ZNF416: variants seen among roughly 807,000 people sequenced by gnomAD.
ZNF416 encodes the protein zinc finger protein 416.
Under a neutral mutation model 10.9 loss-of-function variants are expected in ZNF416, and 5 were observed. The ratio of observed to expected loss-of-function variants is 0.46; its 90% CI spans 0.24 to 0.97. The LOEUF is 0.97. ZNF416 is among the 50% of genes least tolerant of loss of function. The pLI is 0.19. For synonymous variants in ZNF416, 267 were observed against 251.8 expected (o/e 1.06, Z -0.57); for missense variants, 675 against 715.0 (o/e 0.94, Z 0.64).
At chr19:57,577,122 G>C (rs984265737) in intron 2 of ZNF416, among the ~76,000 whole-genome samples, 1 of 152,142 alleles carries the variant, frequency 6.6e-6, no homozygotes, top group African/African-American at 2.4e-5. Context: ...CCCTAGGCAA[G>C]TAGTGGCCAC....
In ZNF416 at chr19:57,572,906, T is replaced by C. The variant is rs1469695120; in HGVS notation, c.998A>G (p.Lys333Arg). 2 of 1,613,952 alleles carry C rather than the reference T, an allele frequency of 1.2e-6. No homozygotes were observed. Among genetic ancestry groups the C allele is most frequent in the East Asian group, 2.2e-5 (1 of 44,874 alleles). The change falls in exon 4 of 4, where the codon AAA (lysine) becomes AGA (arginine). Residue 333 changes from lysine to arginine, a missense_variant. Transcript: ENST00000196489. The surrounding 1 kb of genome is among the most constrained non-coding windows in gnomAD (Gnocchi z 4.5). ...AAGGTTGGAACTTTGGCTAAAAGAT[T>C]TCCCACATTCACCACACTCGTAAGG... ...ERPYECGECGKSFSQSSNLIE... is the reference protein window; with the variant it reads ...ERPYECGECGRSFSQSSNLIE...
Position 57,571,991 on chromosome 19 carries a change from A to C in ZNF416, c.*128T>G. 1 of 1,247,156 alleles carries C rather than the reference A, an allele frequency of 8.0e-7. No individual in the cohort carries two copies. Among genetic ancestry groups the C allele is most frequent in the Non-Finnish European group, 1.1e-6 (1 of 894,434 alleles). The allele number at this position is 1,247,156 out of a possible 1,614,324, so 77.3% of individuals were successfully genotyped here. ...GGGAGTCTGACCCATCGGGAGGTCT[A>C]GAAGTATGAGGTTTAACTTTAGGCA... On this transcript the variant is annotated 3_prime_UTR_variant, in exon 4 of 4. Transcript: ENST00000196489.
In ZNF416 at chr19:57,573,211, A is replaced by G. The variant is rs1599907953; in HGVS notation, c.693T>C (p.Phe231=). 2.5e-6 allele frequency: 4 copies of G among 1,614,196 alleles called. No homozygotes were observed. The highest frequency in any genetic ancestry group is 1.7e-5 in the Admixed American group (1 of 60,026). ...RRESSHKHTF[F]HPRVCTGKRL... ...TTTTTCCAGTGCAGACTCTAGGGTG[A>G]AAAAAAGTGTGTTTGTGGCTGGACT... The change falls in exon 4 of 4, where the codon TTT becomes TTC. Residue 231 remains phenylalanine, a synonymous_variant. Transcript: ENST00000196489.
rs1318590722 is a variant in ZNF416, at chr19:57,573,629, C to G, written c.275G>C (p.Arg92Thr). Residue 92 changes from arginine to threonine, a missense_variant, in exon 4 of 4, where the codon AGG becomes ACG. Transcript: ENST00000196489. ...GGTGGATGGACTGGCCTCTGGAGTC[C>G]TGACCTGAGGTACTCCTTCTACAGA... The part of the protein sequence containing the change: ...SVSVEGVPQV[R>T]TPEASPSTQK... 6.2e-7 allele frequency: 1 copy of G among 1,614,198 alleles called. No individual in the cohort carries two copies. Among genetic ancestry groups the G allele is most frequent in the African/African-American group, 1.3e-5 (1 of 75,056 alleles).
chr19:57,576,032 C>T, intron 2 of ZNF416, 102 bp from the exon 3 acceptor site: 1 of 1,469,032 alleles, frequency 6.8e-7, no homozygotes, highest in Non-Finnish European at 9.2e-7. Flanking sequence ...CATACCTAAG[C>T]CCCACCTCAG....
rs975184198 is a variant in ZNF416 at position 57,571,861 on chromosome 19, C to T, written c.*258G>A. 29 of 440,436 alleles carry T rather than the reference C, an allele frequency of 6.6e-5. No homozygotes were observed. Among genetic ancestry groups the T allele is most frequent in the Non-Finnish European group, 1.2e-5 (3 of 246,520 alleles). 27.3% of individuals were successfully genotyped at this position (440,436 alleles called of 1,614,324 possible). ...TGGGAGAACACAGGTGTATCTGCCT[C>T]GCCTTAGTATGCAAGGGTGACTAAT... On this transcript the variant is annotated 3_prime_UTR_variant, in exon 4 of 4. Transcript: ENST00000196489.
In ZNF416 at chr19:57,578,661, G is replaced by C. The variant is rs200120414; in HGVS notation, c.33+11C>G. 483 of 1,552,240 alleles carry C rather than the reference G, an allele frequency of 3.1e-4. 7 individuals carry two copies. The East Asian group carries it at 8.2e-3, about 26-fold the overall frequency. On this transcript the variant is annotated intron_variant, in intron 1 of 3. Coordinates refer to ENST00000196489, the MANE Select transcript of ZNF416 (RefSeq NM_017879.3). ...AGAGGGCAGGTGAGGCCCGGGAGACGCAGCACTCACCGAAGTCGAATCCCT... is the reference window on the plus strand; with the variant it reads ...AGAGGGCAGGTGAGGCCCGGGAGACCCAGCACTCACCGAAGTCGAATCCCT...
At chr19:57,578,143 A>T (rs1978613421) in intron 1 of ZNF416, 45 bp from the exon 2 acceptor site, 2 of 1,606,704 alleles carry the variant, frequency 1.2e-6, no homozygotes, top group Non-Finnish European at 1.7e-6. Context: ...CTATGGTGGA[A>T]GCTCCATGGG....
chr19:57,571,979 A>G lies in ZNF416; in HGVS notation c.*140T>C, dbSNP rs11880344. The G allele has an allele frequency of 2.3e-5, 25 of 1,099,444 alleles. No homozygotes were observed. The African/African-American group carries it at 3.8e-4, about 17-fold the overall frequency. The allele number at this position is 1,099,444 out of a possible 1,614,324, so 68.1% of individuals were successfully genotyped here. A position where few individuals can be genotyped will look rare whatever the true frequency, so the allele number is the denominator to read the frequency against. On this transcript the variant is annotated 3_prime_UTR_variant, in exon 4 of 4. Coordinates refer to ENST00000196489, the MANE Select transcript of ZNF416 (RefSeq NM_017879.3). ...CCTGGAACTAATGGGAGTCTGACCC[A>G]TCGGGAGGTCTAGAAGTATGAGGTT...
At position 57,575,122 on chromosome 19, in the gene ZNF416, A is replaced by G. The variant is rs1436849909; in HGVS notation, c.202+682T>C. On this transcript the variant is annotated intron_variant, in intron 3 of 3. Coordinates refer to ENST00000196489, the MANE Select transcript of ZNF416 (RefSeq NM_017879.3). The surrounding 1 kb of genome is among the most constrained non-coding windows in gnomAD (Gnocchi z 4.4). Reference sequence around the variant, plus strand: ...GCATTAGCACCAAACTCTGGATGACACAGGGCAAATTCCTGGTAAGATTAG... The same window carrying G: ...GCATTAGCACCAAACTCTGGATGACGCAGGGCAAATTCCTGGTAAGATTAG... 1.3e-5 allele frequency among the ~76,000 whole-genome samples: 2 copies of G among 152,198 alleles called. No homozygotes were observed. Among genetic ancestry groups the G allele is most frequent in the Non-Finnish European group, 2.9e-5 (2 of 68,024 alleles).
Position 57,575,676 on chromosome 19 carries a change from C to T in ZNF416, c.202+128G>A. 1 of 1,296,320 alleles carries T rather than the reference C, an allele frequency of 7.7e-7. No homozygotes were observed. The allele number at this position is 1,296,320 out of a possible 1,614,324, so 80.3% of individuals were successfully genotyped here. A position where few individuals can be genotyped will look rare whatever the true frequency, so the allele number is the denominator to read the frequency against. ...GATTAAGGAGTGCAATGATTTCATT[C>T]CTTACACCACAGCACATACGCCAAG... On this transcript the variant is annotated intron_variant, in intron 3 of 3. Coordinates refer to ENST00000196489, the MANE Select transcript of ZNF416 (RefSeq NM_017879.3). The surrounding 1 kb of genome is among the most constrained non-coding windows in gnomAD (Gnocchi z 4.4).
chr19:57,575,997 C>T lies in ZNF416; in HGVS notation c.76-67G>A, dbSNP rs1048660858. The T allele has an allele frequency of 1.3e-6, 2 of 1,569,960 alleles. No homozygotes were observed. Among genetic ancestry groups the T allele is most frequent in the East Asian group, 2.3e-5 (1 of 44,346 alleles). On this transcript the variant is annotated intron_variant, in intron 2 of 3. Transcript: ENST00000196489. The surrounding 1 kb of genome is among the most constrained non-coding windows in gnomAD (Gnocchi z 4.4). ...CCTAGGACCCCAAGTTCATGCCCCC[C>T]ACACATCCTTTCCCTGCTTATCCCC...
At chr19:57,577,100 C>T (rs571473414) in intron 2 of ZNF416, among the ~76,000 whole-genome samples, 1 of 152,184 alleles carries the variant, frequency 6.6e-6, no homozygotes, top group Non-Finnish European at 1.5e-5. Context: ...CTAATTGTGT[C>T]CCAAGCTATA....
chr19:57,573,283 G>C lies in ZNF416; in HGVS notation c.621C>G (p.Ala207=). 1 of 1,614,208 alleles carries C rather than the reference G, an allele frequency of 6.2e-7. No individual in the cohort carries two copies. Among genetic ancestry groups the C allele is most frequent in the African/African-American group, 1.3e-5 (1 of 75,032 alleles). The change falls in exon 4 of 4, where the codon GCC becomes GCG. Residue 207 remains alanine (A), a synonymous_variant. Coordinates refer to ENST00000196489, the MANE Select transcript of ZNF416 (RefSeq NM_017879.3). ...KPNKISKCEE[A]FHVGISHYKW... is the part of the protein sequence containing the mutation. The stretch of plus-strand genomic sequence containing the variant: ...TGTAATGACTTATTCCAACATGAAA[G>C]GCCTCCTCACATTTGCTGATTTTGT...
At chr19:57,578,511 A>T (rs1421320481) in intron 1 of ZNF416, 161 bp downstream of exon 1, 1 of 780,144 alleles carries the variant, frequency 1.3e-6, no homozygotes, top group African/African-American at 1.8e-5. Context: ...CACCCTCCAC[A>T]GCCCACGACA....
rs1402419560 is a variant in ZNF416, at chr19:57,573,278, T to A, written c.626A>T (p.His209Leu). The change falls in exon 4 of 4, where the codon CAT (histidine) becomes CTT (leucine). Residue 209 changes from histidine (H) to leucine (L), a missense_variant. His to Leu is a moderately conservative substitution (Grantham distance 99). Transcript: ENST00000196489. ...CCACTTGTAATGACTTATTCCAACA[T>A]GAAAGGCCTCCTCACATTTGCTGAT... ...NKISKCEEAFHVGISHYKWSQ... is the reference protein window; with the variant it reads ...NKISKCEEAFLVGISHYKWSQ... 3 of 1,614,142 alleles carry A rather than the reference T, an allele frequency of 1.9e-6. No homozygotes were observed. In the Admixed American group the frequency reaches 5.0e-5, roughly 27 times the overall value.
rs2090195072 is a variant in ZNF416, at chr19:57,571,914, AGTTT to A, written c.*201_*204del. The A allele has an allele frequency of 1.7e-6, 1 of 591,556 alleles. No individual in the cohort carries two copies. Among genetic ancestry groups the A allele is most frequent in the Non-Finnish European group, 2.9e-6 (1 of 345,174 alleles). 36.6% of individuals were successfully genotyped at this position (591,556 alleles called of 1,614,324 possible). A position where few individuals can be genotyped will look rare whatever the true frequency, so the allele number is the denominator to read the frequency against. ...TTTAACTCTGGCAAAGGCCTCCAGC[AGTTT>A]AGAACATGCAAAGGAGCTCCTGCAA... On this transcript the variant is annotated 3_prime_UTR_variant, in exon 4 of 4. Coordinates refer to ENST00000196489, the MANE Select transcript of ZNF416 (RefSeq NM_017879.3).
intron 2 of ZNF416, among the ~76,000 whole-genome samples, chr19:57,576,815 C>T (rs1978553299): frequency 1.3e-5 from 2 of 152,106 alleles, no homozygotes; most frequent in South Asian, 4.1e-4. Context: ...TAGATATATC[C>T]AGAGTGCTGA....
In ZNF416 at chr19:57,572,643, G is replaced by A. The variant is rs140295213; in HGVS notation, c.1261C>T (p.Leu421=). 3 of 1,614,058 alleles carry A rather than the reference G, an allele frequency of 1.9e-6. No individual in the cohort carries two copies. Among genetic ancestry groups the A allele is most frequent in the Non-Finnish European group, 2.5e-6 (3 of 1,180,044 alleles). ...ECGQCGKSFS[L]KCGLIQHQLI... The stretch of plus-strand genomic sequence containing the variant: ...TGGTGCTGAATGAGGCCACACTTTA[G>A]GCTAAATGATTTCCCACACTGGCCA... The change falls in exon 4 of 4, where the codon CTA becomes TTA. Residue 421 remains leucine (L), a synonymous_variant. Coordinates refer to ENST00000196489, the MANE Select transcript of ZNF416 (RefSeq NM_017879.3). This position sits in a 1 kb window ranked among gnomAD's most constrained non-coding sequence, Gnocchi z 4.5.
Sources: allele counts gnomAD v4.1 joint callset (sites outside exome capture counted in the v4.1 genomes callset), GRCh38; gene constraint gnomAD v4.1.1; non-coding constraint Gnocchi (gnomAD v3.1); transcripts MANE v1.5; gene names NCBI Gene and HGNC (gene_info 2026-07-23, HGNC 2026-07-21).